C10orf67: variants seen among roughly 807,000 people sequenced by gnomAD.
C10orf67 encodes the protein uncharacterized protein C10orf67, mitochondrial.
Under a neutral mutation model 35.6 loss-of-function variants are expected in C10orf67, and 60 were observed. That is an observed-to-expected ratio of 1.68 (90% CI 1.37 to 2.09). The LOEUF (loss-of-function observed/expected upper bound fraction) is 2.09. Among genes scored for constraint, C10orf67 ranks in the 30% most tolerant of loss-of-function variants. C10orf67 has a pLI of 0.00. For missense variants in C10orf67, 474 were observed against 330.2 expected, an observed-to-expected ratio of 1.44 and a Z score of -3.38; for synonymous variants, 167 against 115.8, an observed-to-expected ratio of 1.44 and a Z score of -2.84.
In C10orf67 at chr10:23,203,875, G is replaced by T; in HGVS notation, c.*298C>A. ...GTCCCTTCCCACTCTTAGACGCCTGGGCTCTTCTGAGTCCCCGGAGCTCCT... is the reference window on the plus strand; with the variant it reads ...GTCCCTTCCCACTCTTAGACGCCTGTGCTCTTCTGAGTCCCCGGAGCTCCT... On this transcript the variant is annotated 3_prime_UTR_variant, in exon 16 of 16. Transcript: ENST00000636213. 1 of 261,970 alleles carries T rather than the reference G, an allele frequency of 3.8e-6. No homozygotes were observed. Among genetic ancestry groups the T allele is most frequent in the Non-Finnish European group, 7.1e-6 (1 of 140,522 alleles). 16.2% of individuals were successfully genotyped at this position (261,970 alleles called of 1,614,324 possible).
At chr10:23,307,608 G>GTTTTTT (rs56738859) in intron 4 of C10orf67, among the ~76,000 whole-genome samples, 75 of 135,778 alleles carry the variant, frequency 5.5e-4, no homozygotes, top group African/African-American at 1.8e-3. Flanking sequence ...TTTTTATTTA[G>GTTTTTT]TTTTTTTTTT....
chr10:23,334,692 A>C (rs1201940222), intron 1 of C10orf67, among the ~76,000 whole-genome samples: 2 of 152,200 alleles, frequency 1.3e-5, no homozygotes. Flanking sequence ...TGTAGAACCC[A>C]GGTCTGAAGA....
intron 10 of C10orf67, among the ~76,000 whole-genome samples, chr10:23,251,923 C>T (rs575312767): frequency 7.2e-5 from 11 of 152,094 alleles, no homozygotes; most frequent in Non-Finnish European, 1.0e-4. Context: ...GTCCTCTGGC[C>T]GTCTTCACTG....
chr10:23,236,253 GAAAAAAAAAAAAA>G (rs368833212), intron 13 of C10orf67, among the ~76,000 whole-genome samples: 8,792 of 75,878 alleles, frequency 0.12, 1,080 homozygotes, highest in East Asian at 0.65. Flanking sequence ...CCTCTCGGGG[GAAAAAAAAAAAAA>G]AAAAAAAAAA....
chr10:23,277,564 AAAAT>A (rs1181491270), intron 8 of C10orf67, among the ~76,000 whole-genome samples: 186 of 152,050 alleles, frequency 1.2e-3, no homozygotes, highest in African/African-American at 4.3e-3. Context: ...AAAAAAAAAA[AAAAT>A]AATAACACAC....
At chr10:23,292,158 C>CTTTTTTTTTTTTTTTT (rs542812504) in intron 5 of C10orf67, among the ~76,000 whole-genome samples, 1 of 69,316 alleles carries the variant, frequency 1.4e-5, no homozygotes, top group African/African-American at 7.1e-5. Flanking sequence ...GACAGCTACT[C>CTTTTTTTTTTTTTTTT]TTTTTTTTTT....
chr10:23,273,083 G>T (rs1843075696), intron 8 of C10orf67, among the ~76,000 whole-genome samples: 1 of 152,118 alleles, frequency 6.6e-6, no homozygotes, highest in Non-Finnish European at 1.5e-5. Flanking sequence ...TATTTTTGTA[G>T]ATTTGTTAGG....
intron 5 of C10orf67, among the ~76,000 whole-genome samples, chr10:23,301,228 A>C (rs769962618): frequency 1.3e-5 from 2 of 152,110 alleles, no homozygotes; most frequent in Non-Finnish European, 2.9e-5. Flanking sequence ...TACTGCCAGG[A>C]GTTTGGGATG....
intron 13 of C10orf67, among the ~76,000 whole-genome samples, chr10:23,228,910 T>C (rs1841825567): frequency 6.6e-6 from 1 of 152,004 alleles, no homozygotes; most frequent in Admixed American, 6.6e-5. Context: ...ATTAGAATGG[T>C]GATCATTAAA....
intron 4 of C10orf67, among the ~76,000 whole-genome samples, chr10:23,314,058 C>G (rs920510754): frequency 2.6e-5 from 4 of 152,152 alleles, no homozygotes; most frequent in Non-Finnish European, 5.9e-5. Context: ...CATGGTGGCT[C>G]ACGCCTATAA....
chr10:23,323,140 T>C (rs1845024776), intron 2 of C10orf67, among the ~76,000 whole-genome samples: 1 of 152,192 alleles, frequency 6.6e-6, no homozygotes, highest in African/African-American at 2.4e-5. Flanking sequence ...AATATCTGTG[T>C]TAATATTGGC....
At chr10:23,223,529 A>C in intron 15 of C10orf67, 69 bp downstream of exon 15, 1 of 709,014 alleles carries the variant, frequency 1.4e-6, no homozygotes, top group Non-Finnish European at 2.6e-6. Context: ...TAAAAAAGAA[A>C]AGCAAAGTTA....
At chr10:23,249,044 C>T (rs1440166423) in intron 12 of C10orf67, among the ~76,000 whole-genome samples, 2 of 141,202 alleles carry the variant, frequency 1.4e-5, no homozygotes, top group Non-Finnish European at 3.0e-5. Flanking sequence ...GCTGGAGAAT[C>T]GCTTGAACCC....
chr10:23,290,908 A>G (rs1055039568), intron 6 of C10orf67, among the ~76,000 whole-genome samples: 3 of 152,252 alleles, frequency 2.0e-5, no homozygotes, highest in African/African-American at 7.2e-5. Context: ...TCTTGAAACA[A>G]CACCCTGAAT....
chr10:23,324,285 A>T, intron 2 of C10orf67, among the ~76,000 whole-genome samples: 1 of 151,872 alleles, frequency 6.6e-6, no homozygotes, highest in African/African-American at 2.4e-5. Flanking sequence ...ACCTAAGCAG[A>T]TGCTTCTCTA....
rs192924994 is a variant in C10orf67 at position 23,313,168 on chromosome 10, G to C, written c.546+7573C>G. ...TTAACTATTCACCCAAATTGACAGA[G>C]AGTTATGCACCCACTGGGTACAAAC... On this transcript the variant is annotated intron_variant, in intron 4 of 15. Transcript: ENST00000636213. Among the ~76,000 whole-genome samples the C allele has an allele frequency of 3.8e-4, 58 of 152,202 alleles. 1 individual carries two copies. Among genetic ancestry groups the C allele is most frequent in the Admixed American group, 3.5e-3 (53 of 15,288 alleles).
intron 10 of C10orf67, among the ~76,000 whole-genome samples, chr10:23,257,184 C>T (rs1842624169): frequency 6.6e-6 from 1 of 152,136 alleles, no homozygotes; most frequent in South Asian, 2.1e-4. Context: ...AACTCCTGCC[C>T]AAGACCAACT....
Position 23,322,487 on chromosome 10 carries a change from C to G in C10orf67, c.378G>C (p.Gln126His). 2 of 1,612,740 alleles carry G rather than the reference C, an allele frequency of 1.2e-6. No individual in the cohort carries two copies. The highest frequency in any genetic ancestry group is 1.7e-6 in the Non-Finnish European group (2 of 1,178,868). Reference protein sequence around the residue: ...VDFGFLKQLLQLKFEDRLKEE... With the variant: ...VDFGFLKQLLHLKFEDRLKEE... ...CTTTCAGTCGGTCCTCAAACTTCAA[C>G]TGAAGCAATTGTTTGAGGAACCCAA... Residue 126 changes from glutamine (Q) to histidine (H), a missense_variant, in exon 3 of 16, where the codon CAG becomes CAC. Coordinates refer to ENST00000636213, the MANE Select transcript of C10orf67 (RefSeq NM_001371909.1).
At chr10:23,216,576 CCAT>C (rs1280484120) in intron 15 of C10orf67, among the ~76,000 whole-genome samples, 2 of 151,908 alleles carry the variant, frequency 1.3e-5, no homozygotes, top group Non-Finnish European at 2.9e-5. Flanking sequence ...TTCTGAATTC[CCAT>C]CAACAGCAGA....
Sources: gnomAD v4.1 joint callset for allele counts (sites outside exome capture counted in the v4.1 genomes callset) on GRCh38, gnomAD v4.1.1 for gene constraint, MANE v1.5 for transcripts, NCBI Gene and HGNC (gene_info 2026-07-23, HGNC 2026-07-21) for gene names.